ROPN1L: variants seen among roughly 807,000 people sequenced by gnomAD.
ROPN1L encodes the protein ropporin-1-like protein.
A neutral mutation model predicts 22.7 loss-of-function variants in ROPN1L; 23 were observed. The observed-to-expected ratio is 1.01, with a 90% confidence interval of 0.73 to 1.43. The LOEUF (loss-of-function observed/expected upper bound fraction) is 1.43, where lower values mean the gene tolerates loss of function less well. Ranked by LOEUF, ROPN1L falls within the 40% of genes most tolerant of loss-of-function variation. The pLI, the probability that ROPN1L is intolerant of heterozygous loss-of-function variation, is 0.00. For synonymous variants in ROPN1L, 116 were observed against 117.8 expected (o/e 0.98, Z 0.10); for missense variants, 271 against 291.5 (o/e 0.93, Z 0.51).
chr5:10,452,903 A>G (rs934949637), intron 3 of ROPN1L, among the ~76,000 whole-genome samples: 11 of 152,196 alleles, frequency 7.2e-5, no homozygotes, highest in Non-Finnish European at 1.5e-5. Context: ...ACATTGTGTT[A>G]AGGATAGAGC....
intron 1 of ROPN1L, among the ~76,000 whole-genome samples, chr5:10,442,842 AT>A (rs1740930396): frequency 6.6e-6 from 1 of 152,190 alleles, no homozygotes. Flanking sequence ...TTCACAGTTT[AT>A]TTTTTGCCAC....
At chr5:10,479,893 C>T in the ROPN1L span, among the ~76,000 whole-genome samples, 9 of 152,178 alleles carry the variant, frequency 5.9e-5, no homozygotes, top group East Asian at 5.8e-4. Flanking sequence ...TACAGGCATG[C>T]GCCACCACGC....
At chr5:10,482,399 G>A in the ROPN1L span, 2 of 152,192 alleles carry the variant, frequency 1.3e-5, no homozygotes, top group Admixed American at 6.5e-5. Context: ...TTAAAGACCT[G>A]CTCCAGAAAA....
chr5:10,477,286 C>T, the ROPN1L span, among the ~76,000 whole-genome samples: 1 of 152,186 alleles, frequency 6.6e-6, no homozygotes, highest in Non-Finnish European at 1.5e-5. Context: ...CCACATTTAC[C>T]GAGGGCCACT....
At chr5:10,449,590 T>C (rs572701385) in intron 2 of ROPN1L, among the ~76,000 whole-genome samples, 35 of 152,356 alleles carry the variant, frequency 2.3e-4, no homozygotes, top group African/African-American at 6.0e-4. Context: ...ATCTAACTGT[T>C]AATGTGATTA....
chr5:10,478,633 C>T, the ROPN1L span, among the ~76,000 whole-genome samples: 1 of 152,160 alleles, frequency 6.6e-6, no homozygotes, highest in African/African-American at 2.4e-5. Flanking sequence ...TCGTAAAGGG[C>T]AGCAGTCGTT....
chr5:10,466,796 A>G (rs1461244480), downstream of ROPN1L, among the ~76,000 whole-genome samples: 2 of 152,158 alleles, frequency 1.3e-5, no homozygotes, highest in Non-Finnish European at 2.9e-5. Flanking sequence ...AGAACGAAGC[A>G]CCGGAGACCC....
intron 2 of ROPN1L, 40 bp from the exon 3 acceptor site, chr5:10,449,912 T>G: frequency 6.4e-7 from 1 of 1,569,984 alleles, no homozygotes; most frequent in Non-Finnish European, 8.7e-7. Context: ...TCCCAGGTTT[T>G]AAAACATACA....
chr5:10,443,898 G>C (rs1366159079), intron 1 of ROPN1L, among the ~76,000 whole-genome samples: 1 of 152,046 alleles, frequency 6.6e-6, no homozygotes, highest in Non-Finnish European at 1.5e-5. Context: ...ATTGCATTCA[G>C]TGGCCATCCA....
At chr5:10,479,934 G>T in the ROPN1L span, among the ~76,000 whole-genome samples, 1 of 152,124 alleles carries the variant, frequency 6.6e-6, no homozygotes, top group Non-Finnish European at 1.5e-5. Context: ...AGCAGAGACG[G>T]GGTTTCTCCA....
chr5:10,458,193 C>T (rs1169660974), intron 3 of ROPN1L, among the ~76,000 whole-genome samples: 1 of 152,054 alleles, frequency 6.6e-6, no homozygotes, highest in Non-Finnish European at 1.5e-5. Flanking sequence ...CTTGTCCTTC[C>T]TGTCCTGTCC....
the ROPN1L span, among the ~76,000 whole-genome samples, chr5:10,482,633 G>C: frequency 6.6e-6 from 1 of 152,192 alleles, no homozygotes; most frequent in Non-Finnish European, 1.5e-5. Flanking sequence ...TGAGGGCAGA[G>C]AAAGGGCTCT....
the ROPN1L span, among the ~76,000 whole-genome samples, chr5:10,479,828 T>C: frequency 8.5e-5 from 13 of 152,122 alleles, no homozygotes; most frequent in East Asian, 2.5e-3. Context: ...TCACGCAACC[T>C]CTGCCTCCTG....
chr5:10,452,661 T>C (rs367714724), intron 3 of ROPN1L, among the ~76,000 whole-genome samples: 1 of 152,182 alleles, frequency 6.6e-6, no homozygotes, highest in Admixed American at 6.5e-5. Flanking sequence ...GTTAACAATA[T>C]AAAATTGTAT....
At chr5:10,467,624 T>C (rs763918230), downstream of ROPN1L, among the ~76,000 whole-genome samples, 1 of 152,192 alleles carries the variant, frequency 6.6e-6, no homozygotes, top group Non-Finnish European at 1.5e-5. Flanking sequence ...AAATCTGCGC[T>C]TCACCCAAGA....
At chr5:10,469,214 G>A (rs973603311), downstream of ROPN1L, among the ~76,000 whole-genome samples, 3 of 151,604 alleles carry the variant, frequency 2.0e-5, no homozygotes, top group South Asian at 6.2e-4. Flanking sequence ...TGTGGCTCAT[G>A]CCTTAATCCT....
intron 1 of ROPN1L, among the ~76,000 whole-genome samples, chr5:10,447,324 C>T (rs1009251766): frequency 3.9e-5 from 6 of 152,202 alleles, no homozygotes; most frequent in Non-Finnish European, 7.3e-5. Flanking sequence ...TGGGTTCCCT[C>T]TTGACTTATT....
At position 10,448,435 on chromosome 5, in the gene ROPN1L, ACC is replaced by A. The variant is rs762017223; in HGVS notation, c.255+53_255+54del. 3 of 1,609,098 alleles carry A rather than the reference ACC, an allele frequency of 1.9e-6. No individual in the cohort carries two copies. The African/African-American group carries it at 4.0e-5, about 22-fold the overall frequency. On this transcript the variant is annotated intron_variant, in intron 2 of 4. Coordinates refer to ENST00000274134, the MANE Select transcript of ROPN1L (RefSeq NM_031916.5). ...CAGGCAGCTGGCCTGTGCTTTCCTT[ACC>A]GTTCACTGTGCATTGATGACAGAGC...
chr5:10,445,549 A>G (rs1157654438), intron 1 of ROPN1L, among the ~76,000 whole-genome samples: 1 of 152,118 alleles, frequency 6.6e-6, no homozygotes, highest in East Asian at 1.9e-4. Flanking sequence ...GCAGCACAGG[A>G]AGAAGGGGGT....
Sources: gnomAD v4.1 joint callset for allele counts (sites outside exome capture counted in the v4.1 genomes callset) on GRCh38, gnomAD v4.1.1 for gene constraint, MANE v1.5 for transcripts, NCBI Gene and HGNC (gene_info 2026-07-23, HGNC 2026-07-21) for gene names.